Variants in OCA2 observed in about 807,000 individuals in gnomAD.
OCA2 encodes the protein OCA2 melanosomal transmembrane protein.
A neutral mutation model predicts 100.2 loss-of-function variants in OCA2; 77 were observed. The ratio of observed to expected loss-of-function variants is 0.77; its 90% CI spans 0.64 to 0.93. OCA2 has a LOEUF of 0.93. Ranked by LOEUF, OCA2 falls within the 40% of genes least tolerant of loss-of-function variation. The pLI is 0.00. For synonymous variants in OCA2, 432 were observed against 439.2 expected, an observed-to-expected ratio of 0.98 and a Z score of 0.21; for missense variants, 1,062 against 1,089.1, an observed-to-expected ratio of 0.98 and a Z score of 0.35.
chr15:27,875,864 T>C (rs1447820731), intron 19 of OCA2, among the ~76,000 whole-genome samples: 1 of 152,084 alleles, frequency 6.6e-6, no homozygotes. Flanking sequence ...ACTGATCTTG[T>C]ATCTTCTGAC....
At chr15:27,833,624 A>T in intron 23 of OCA2, among the ~76,000 whole-genome samples, 1 of 152,210 alleles carries the variant, frequency 6.6e-6, no homozygotes, top group South Asian at 2.1e-4. Context: ...AATTAATAAT[A>T]TACCAAAAAC....
At chr15:27,749,455 T>A in the OCA2 span, among the ~76,000 whole-genome samples, 1 of 152,206 alleles carries the variant, frequency 6.6e-6, no homozygotes, top group African/African-American at 2.4e-5. Context: ...GCTTAGTGAA[T>A]GAATGGCCAA....
At chr15:28,021,617 C>T (rs938161637) in intron 6 of OCA2, among the ~76,000 whole-genome samples, 4 of 152,184 alleles carry the variant, frequency 2.6e-5, no homozygotes, top group African/African-American at 7.2e-5. Context: ...GGAACCCCAG[C>T]GGACGCTCCC....
chr15:27,876,870 C>T, intron 19 of OCA2, among the ~76,000 whole-genome samples: 1 of 151,362 alleles, frequency 6.6e-6, no homozygotes, highest in East Asian at 1.9e-4. Flanking sequence ...TTTTTTTCTG[C>T]TTTGTCTGTT....
intron 9 of OCA2, among the ~76,000 whole-genome samples, chr15:27,998,314 G>A (rs143080071): frequency 0.12 from 6,537 of 55,412 alleles, 747 homozygotes; most frequent in Middle Eastern, 0.29. Context: ...CAAAGGGCTA[G>A]TATCCAGAAT....
chr15:27,994,388 G>A (rs1419963058), intron 9 of OCA2, among the ~76,000 whole-genome samples: 1 of 152,194 alleles, frequency 6.6e-6, no homozygotes, highest in African/African-American at 2.4e-5. Context: ...GTGCCAAAAA[G>A]GTTGGGGACC....
chr15:27,770,986 TCTTCCTTCCCTTC>T (rs1371312840), intron 23 of OCA2, among the ~76,000 whole-genome samples: 3 of 92,440 alleles, frequency 3.2e-5, no homozygotes, highest in East Asian at 4.2e-4. Flanking sequence ...TTTCCTTCTT[TCTTCCTTCCCTTC>T]CTTCCTTCCC....
chr15:27,733,963 C>T, the OCA2 span, among the ~76,000 whole-genome samples: 1 of 151,596 alleles, frequency 6.6e-6, no homozygotes, highest in Non-Finnish European at 1.5e-5. Context: ...AGTTCAAGAC[C>T]AGCCTGGCCA....
At chr15:27,832,791 C>T (rs2035010060) in intron 23 of OCA2, among the ~76,000 whole-genome samples, 1 of 151,698 alleles carries the variant, frequency 6.6e-6, no homozygotes, top group South Asian at 2.1e-4. Flanking sequence ...CATTTTAATA[C>T]ACTGACTATT....
At chr15:28,087,860 G>T (rs1308112056) in intron 1 of OCA2, among the ~76,000 whole-genome samples, 1 of 152,142 alleles carries the variant, frequency 6.6e-6, no homozygotes, top group Non-Finnish European at 1.5e-5. Context: ...TCAGGAGTTT[G>T]CCACCAGCCT....
chr15:27,855,329 A>G lies in OCA2; in HGVS notation c.2245-3854T>C, dbSNP rs543811846. On this transcript the variant is annotated intron_variant, in intron 21 of 23. Coordinates refer to ENST00000354638, the MANE Select transcript of OCA2 (RefSeq NM_000275.3). ...CAACTGACCTGACTCCACACCCTTC[A>G]ATCTGAGGCAAGCGCTCCCTCGCCA... Among the ~76,000 whole-genome samples, 5 of 152,290 alleles carry G rather than the reference A, an allele frequency of 3.3e-5. No homozygotes were observed. The East Asian group carries it at 9.7e-4, about 29-fold the overall frequency.
intron 2 of OCA2, among the ~76,000 whole-genome samples, chr15:28,074,467 G>A (rs1213222688): frequency 1.3e-5 from 2 of 152,092 alleles, no homozygotes; most frequent in South Asian, 2.1e-4. Context: ...GAGGTCAGGA[G>A]ATCGAGACCA....
intron 20 of OCA2, 139 bp from the exon 21 acceptor site, chr15:27,871,397 G>A (rs761667564): frequency 2.8e-5 from 20 of 710,772 alleles, no homozygotes; most frequent in Non-Finnish European, 1.8e-5. Context: ...ACATAGGTGT[G>A]CAAGCCAGGG....
At position 27,838,209 on chromosome 15, in the gene OCA2, C is replaced by T. The variant is rs575466525; in HGVS notation, c.2432+6750G>A. ...GGGCTGTGCAAAAACAACCTGAATC[C>T]AAAACCCAAATGCTGAGAGCAGAAA... On this transcript the variant is annotated intron_variant, in intron 23 of 23. Coordinates refer to ENST00000354638, the MANE Select transcript of OCA2 (RefSeq NM_000275.3). Among the ~76,000 whole-genome samples, 17 of 152,230 alleles carry T rather than the reference C, an allele frequency of 1.1e-4. No individual in the cohort carries two copies. The South Asian group carries it at 3.5e-3, about 32-fold the overall frequency.
chr15:27,725,573 A>AAAAACAAAC, the OCA2 span, among the ~76,000 whole-genome samples: 1 of 152,234 alleles, frequency 6.6e-6, no homozygotes, highest in Non-Finnish European at 1.5e-5. Flanking sequence ...CGTGACAAAC[A>AAAAACAAAC]AAAACAAACA....
At chr15:28,031,657 G>A (rs2042910108) in intron 3 of OCA2, among the ~76,000 whole-genome samples, 1 of 152,166 alleles carries the variant, frequency 6.6e-6, no homozygotes, top group Non-Finnish European at 1.5e-5. Flanking sequence ...TTGTGGTGGG[G>A]GCTGTCCTGT....
intron 9 of OCA2, among the ~76,000 whole-genome samples, chr15:28,012,448 C>T (rs1361170808): frequency 1.3e-5 from 2 of 152,148 alleles, no homozygotes; most frequent in African/African-American, 4.8e-5. Context: ...AGGGACTGCC[C>T]TCCAAGGCCC....
the OCA2 span, among the ~76,000 whole-genome samples, chr15:27,729,710 A>G: frequency 6.6e-6 from 1 of 152,108 alleles, no homozygotes; most frequent in African/African-American, 2.4e-5. Context: ...CTGTGCGTTT[A>G]AGGACTCATG....
At chr15:27,835,627 G>C (rs1347905100) in intron 23 of OCA2, among the ~76,000 whole-genome samples, 5 of 152,234 alleles carry the variant, frequency 3.3e-5, no homozygotes, top group Non-Finnish European at 7.3e-5. Flanking sequence ...CATAGTGAGT[G>C]GGACAGGTGA....
Sources: allele counts gnomAD v4.1 joint callset (sites outside exome capture counted in the v4.1 genomes callset), GRCh38; gene constraint gnomAD v4.1.1; transcripts MANE v1.5; gene names NCBI Gene and HGNC (gene_info 2026-07-23, HGNC 2026-07-21).